Variants in FAM135A observed in about 807,000 individuals in gnomAD.
FAM135A encodes the protein protein FAM135A.
Under a neutral mutation model 146.8 loss-of-function variants are expected in FAM135A, and 79 were observed. The ratio of observed to expected loss-of-function variants is 0.54; its 90% CI spans 0.45 to 0.65. The LOEUF is 0.65. Ranked by LOEUF, FAM135A falls within the 30% of genes least tolerant of loss-of-function variation. FAM135A has a pLI of 0.00. For synonymous variants in FAM135A, 562 were observed against 603.6 expected (o/e 0.93, Z 1.01); for missense variants, 1,623 against 1,758.2 (o/e 0.92, Z 1.38).
At chr6:70,553,014 A>G (rs1562031941) in intron 20 of FAM135A, among the ~76,000 whole-genome samples, 1 of 152,078 alleles carries the variant, frequency 6.6e-6, no homozygotes, top group Non-Finnish European at 1.5e-5. Flanking sequence ...TCTTTTTTTC[A>G]ATATAGAGCA....
chr6:70,417,505 G>T, intron 2 of FAM135A: 2 of 669,410 alleles, frequency 3.0e-6, no homozygotes, highest in Non-Finnish European at 3.7e-6. Flanking sequence ...GAACTACTAT[G>T]CCTGGCTGTA....
chr6:70,511,520 G>A (rs1018424034), intron 12 of FAM135A, among the ~76,000 whole-genome samples: 15 of 151,778 alleles, frequency 9.9e-5, no homozygotes, highest in Middle Eastern at 3.2e-3. Context: ...TTTAATTAGT[G>A]TATATCTATG....
At chr6:70,441,702 T>G (rs1223855526) in intron 4 of FAM135A, among the ~76,000 whole-genome samples, 2 of 151,482 alleles carry the variant, frequency 1.3e-5, no homozygotes, top group Non-Finnish European at 2.9e-5. Flanking sequence ...TTTTTTTTTT[T>G]GAGATGGAGT....
rs1252805057 is a variant in FAM135A at position 70,491,017 on chromosome 6, C to A, written c.824-17C>A. ...ATCTAACATTGGAATATTTCCTCTA[C>A]TCTTTACTCCTTCCAGAGGAAATGG... On this transcript the variant is annotated splice_polypyrimidine_tract_variant and intron_variant, in intron 10 of 21. Transcript: ENST00000418814. 6.4e-7 allele frequency: 1 copy of A among 1,565,144 alleles called. No individual in the cohort carries two copies. Among genetic ancestry groups the A allele is most frequent in the Non-Finnish European group, 8.7e-7 (1 of 1,155,382 alleles).
At chr6:70,428,259 AT>A (rs1488296327) in intron 3 of FAM135A, 44 bp from the exon 4 acceptor site, 8 of 923,838 alleles carry the variant, frequency 8.7e-6, no homozygotes, top group Non-Finnish European at 1.3e-5. Flanking sequence ...ATAAGTTGGC[AT>A]TTTTGTTACG....
intron 5 of FAM135A, among the ~76,000 whole-genome samples, chr6:70,458,508 GAC>G (rs1778805444): frequency 6.6e-6 from 1 of 152,128 alleles, no homozygotes; most frequent in African/African-American, 2.4e-5. Flanking sequence ...TCTCCTGCCT[GAC>G]ACTATTCCCA....
chr6:70,553,864 A>G (rs1196723260), intron 20 of FAM135A, among the ~76,000 whole-genome samples: 1 of 152,230 alleles, frequency 6.6e-6, no homozygotes, highest in Non-Finnish European at 1.5e-5. Flanking sequence ...AGCAACATGT[A>G]CTACATATGA....
intron 15 of FAM135A, 86 bp downstream of exon 15, chr6:70,526,784 C>G: frequency 1.4e-6 from 1 of 732,904 alleles, no homozygotes; most frequent in Non-Finnish European, 2.0e-6. Context: ...CACACACACA[C>G]ACACACACAC....
At chr6:70,443,525 C>T (rs1465658577) in intron 4 of FAM135A, among the ~76,000 whole-genome samples, 2 of 152,114 alleles carry the variant, frequency 1.3e-5, no homozygotes, top group Admixed American at 6.5e-5. Flanking sequence ...CGCACAGTGG[C>T]GAAATCAATC....
At chr6:70,440,752 G>A (rs1273219421) in intron 4 of FAM135A, among the ~76,000 whole-genome samples, 1 of 151,986 alleles carries the variant, frequency 6.6e-6, no homozygotes, top group African/African-American at 2.4e-5. Flanking sequence ...AGAAATGAGA[G>A]TCTGGTCTCA....
In FAM135A at chr6:70,560,747, A is replaced by G. The variant is rs1197297216; in HGVS notation, c.*826A>G. On this transcript the variant is annotated 3_prime_UTR_variant, in exon 22 of 22. Coordinates refer to ENST00000418814, the MANE Select transcript of FAM135A (RefSeq NM_001162529.3). Reference sequence around the variant, plus strand: ...TTTTCATGGACTTCCTTATATGTACATAATAATTAAATGTTGAAATTTATG... The same window carrying G: ...TTTTCATGGACTTCCTTATATGTACGTAATAATTAAATGTTGAAATTTATG... 6.6e-6 allele frequency: 1 copy of G among 152,566 alleles called. No individual in the cohort carries two copies. The highest frequency in any genetic ancestry group is 6.6e-5 in the Admixed American group (1 of 15,266). The allele number at this position is 152,566 out of a possible 1,614,324, so 9.5% of individuals were successfully genotyped here.
At chr6:70,488,471 C>G (rs201683189) in intron 10 of FAM135A, among the ~76,000 whole-genome samples, 1 of 150,802 alleles carries the variant, frequency 6.6e-6, no homozygotes, top group Non-Finnish European at 1.5e-5. Context: ...CCAAGCCCCC[C>G]CCCCCAGAAA....
chr6:70,548,350 A>C (rs572239983), intron 20 of FAM135A, among the ~76,000 whole-genome samples: 1 of 152,360 alleles, frequency 6.6e-6, no homozygotes, highest in Non-Finnish European at 1.5e-5. Flanking sequence ...ATGCATTTTT[A>C]AAGTACAGTA....
intron 18 of FAM135A, among the ~76,000 whole-genome samples, chr6:70,535,714 TA>T (rs1452346563): frequency 6.6e-6 from 1 of 152,214 alleles, no homozygotes; most frequent in African/African-American, 2.4e-5. Flanking sequence ...GCTACATAAA[TA>T]TTATTCTTTT....
At chr6:70,521,328 A>G (rs368434148) in intron 12 of FAM135A, among the ~76,000 whole-genome samples, 2 of 151,600 alleles carry the variant, frequency 1.3e-5, no homozygotes, top group Non-Finnish European at 2.9e-5. Flanking sequence ...CGTTTTTTTC[A>G]TGCTTTATAG....
chr6:70,516,848 T>G (rs17713547), intron 12 of FAM135A, among the ~76,000 whole-genome samples: 19,140 of 152,100 alleles, frequency 0.13, 1,477 homozygotes, highest in Middle Eastern at 0.19. Flanking sequence ...AAATAGTATT[T>G]TCAACAGTAT....
chr6:70,498,463 G>A (rs1787806973), intron 11 of FAM135A, among the ~76,000 whole-genome samples: 1 of 151,970 alleles, frequency 6.6e-6, no homozygotes, highest in South Asian at 2.1e-4. Context: ...GGTTTTTCGT[G>A]TCTCTATCTC....
chr6:70,496,280 TG>T (rs1251848334), intron 11 of FAM135A, among the ~76,000 whole-genome samples: 1 of 152,220 alleles, frequency 6.6e-6, no homozygotes, highest in East Asian at 1.9e-4. Context: ...TTTTTTCATA[TG>T]TTTGTTGGCC....
At chr6:70,424,067 A>G (rs1442631662) in intron 2 of FAM135A, among the ~76,000 whole-genome samples, 1 of 152,224 alleles carries the variant, frequency 6.6e-6, no homozygotes, top group Admixed American at 6.5e-5. Flanking sequence ...CTCGCAGTGG[A>G]TTAATATCCT....
Sources: gnomAD v4.1 joint callset for allele counts (sites outside exome capture counted in the v4.1 genomes callset) on GRCh38, gnomAD v4.1.1 for gene constraint, MANE v1.5 for transcripts, NCBI Gene and HGNC (gene_info 2026-07-23, HGNC 2026-07-21) for gene names.